HDAC9: variants seen among roughly 807,000 people sequenced by gnomAD.
The protein encoded by HDAC9 is MEF-2 interacting transcription repressor (MITR) protein.
HDAC9 carries 41 observed loss-of-function variants against 139.4 expected under a neutral mutation model. The observed-to-expected ratio is 0.29, with a 90% CI of 0.23 to 0.38. The LOEUF (loss-of-function observed/expected upper bound fraction) is 0.38. Ranked by LOEUF, HDAC9 falls within the 10% of genes least tolerant of loss-of-function variation. The pLI, the probability that HDAC9 is intolerant of heterozygous loss-of-function variation, is 1.00. For synonymous variants in HDAC9, 517 were observed against 476.2 expected (o/e 1.09, Z -1.12); for missense variants, 1,147 against 1,297.0 (o/e 0.88, Z 1.78).
chr7:18,099,479 GA>G (rs71014306), intron 1 of HDAC9, among the ~76,000 whole-genome samples: 86,306 of 150,194 alleles, frequency 0.57, 27,990 homozygotes, highest in Non-Finnish European at 0.73. Flanking sequence ...AAAAAATAAA[GA>G]AAAAAAAAAT....
chr7:18,327,456 A>G (rs1800548259), intron 1 of HDAC9: 1 of 151,906 alleles, frequency 6.6e-6, no homozygotes, highest in Admixed American at 6.6e-5. Context: ...CAGATATGAC[A>G]GCTGCATAGA....
At chr7:18,553,912 AC>A (rs1260159748) in intron 2 of HDAC9, among the ~76,000 whole-genome samples, 3 of 152,150 alleles carry the variant, frequency 2.0e-5, no homozygotes, top group African/African-American at 4.8e-5. Context: ...TCCTCAAGGG[AC>A]TTACAGTCTG....
At chr7:18,653,940 T>C (rs1385035166) in intron 11 of HDAC9, among the ~76,000 whole-genome samples, 1 of 152,054 alleles carries the variant, frequency 6.6e-6, no homozygotes, top group Non-Finnish European at 1.5e-5. Context: ...CCTAAGAGAG[T>C]ATATTCCTTC....
intron 6 of HDAC9, among the ~76,000 whole-genome samples, chr7:18,616,870 C>T (rs1838746222): frequency 6.6e-6 from 1 of 152,122 alleles, no homozygotes; most frequent in South Asian, 2.1e-4. Flanking sequence ...GTTGAATAGA[C>T]TTAGAGGTTA....
At chr7:18,109,579 T>C (rs2128081461) in intron 1 of HDAC9, among the ~76,000 whole-genome samples, 1 of 152,040 alleles carries the variant, frequency 6.6e-6, no homozygotes, top group Middle Eastern at 3.4e-3. Context: ...TTAACAGTGC[T>C]GAGAAGTGCA....
At chr7:18,512,088 C>CAT (rs1563103027) in intron 2 of HDAC9, among the ~76,000 whole-genome samples, 1 of 150,612 alleles carries the variant, frequency 6.6e-6, no homozygotes. Context: ...ATACTTCCAG[C>CAT]ATAGAAACTC....
intron 1 of HDAC9, among the ~76,000 whole-genome samples, chr7:18,088,787 A>C (rs1223330878): frequency 6.6e-6 from 1 of 152,236 alleles, no homozygotes; most frequent in Admixed American, 6.5e-5. Flanking sequence ...TTCCCCAAAC[A>C]TCAAATTACT....
intron 21 of HDAC9, among the ~76,000 whole-genome samples, chr7:18,871,512 G>A (rs118084027): frequency 0.019 from 2,840 of 152,188 alleles, 34 homozygotes; most frequent in Non-Finnish European, 0.027. Flanking sequence ...TATATATTAA[G>A]AACCATGAGT....
At chr7:18,804,193 A>G (rs774009986) in intron 17 of HDAC9, among the ~76,000 whole-genome samples, 20 of 152,166 alleles carry the variant, frequency 1.3e-4, no homozygotes, top group Non-Finnish European at 2.6e-4. Context: ...AGCATTATGT[A>G]GATATGTGGG....
chr7:18,799,486 G>A (rs1405040951), intron 17 of HDAC9, among the ~76,000 whole-genome samples: 1 of 152,154 alleles, frequency 6.6e-6, no homozygotes, highest in African/African-American at 2.4e-5. Context: ...AACTAAGCTA[G>A]ATATTTTTAA....
chr7:18,810,388 C>A (rs1280949091), intron 17 of HDAC9, among the ~76,000 whole-genome samples: 1 of 151,758 alleles, frequency 6.6e-6, no homozygotes, highest in African/African-American at 2.4e-5. Context: ...TATGTGGGCA[C>A]CTTTGGGGAA....
chr7:18,221,859 C>A (rs1207728428), intron 2 of HDAC9, among the ~76,000 whole-genome samples: 1 of 152,060 alleles, frequency 6.6e-6, no homozygotes, highest in Non-Finnish European at 1.5e-5. Context: ...TGGGTAGTGA[C>A]CTTCCATATT....
At chr7:18,236,982 T>C (rs1320283444) in intron 2 of HDAC9, among the ~76,000 whole-genome samples, 1 of 152,170 alleles carries the variant, frequency 6.6e-6, no homozygotes, top group Non-Finnish European at 1.5e-5. Context: ...AACAAAGAAA[T>C]TCCCATGTCC....
At chr7:18,131,981 G>C (rs1785042360) in intron 1 of HDAC9, among the ~76,000 whole-genome samples, 1 of 152,204 alleles carries the variant, frequency 6.6e-6, no homozygotes, top group South Asian at 2.1e-4. Context: ...AATGGCAACA[G>C]ATAGATTATG....
At chr7:18,939,144 T>A (rs1781854297) in intron 23 of HDAC9, among the ~76,000 whole-genome samples, 1 of 152,234 alleles carries the variant, frequency 6.6e-6, no homozygotes, top group Non-Finnish European at 1.5e-5. Context: ...TGGTTGGTGG[T>A]CTTCAGTTGC....
intron 2 of HDAC9, among the ~76,000 whole-genome samples, chr7:18,227,270 C>T (rs903928019): frequency 3.9e-5 from 6 of 152,118 alleles, no homozygotes; most frequent in Non-Finnish European, 7.3e-5. Context: ...GATGAATCCA[C>T]TTATTTAAAT....
At chr7:18,318,405 G>A (rs1210203387) in intron 1 of HDAC9, among the ~76,000 whole-genome samples, 1 of 152,154 alleles carries the variant, frequency 6.6e-6, no homozygotes, top group Non-Finnish European at 1.5e-5. Context: ...AATAACAAAT[G>A]GAATGCAGAT....
intron 1 of HDAC9, among the ~76,000 whole-genome samples, chr7:18,321,014 A>G (rs559253073): frequency 6.6e-6 from 1 of 152,318 alleles, no homozygotes; most frequent in East Asian, 1.9e-4. Flanking sequence ...TAGGTTGAAC[A>G]TATGCAATCG....
intron 14 of HDAC9, among the ~76,000 whole-genome samples, chr7:18,750,350 G>T (rs1438396910): frequency 6.6e-6 from 1 of 152,102 alleles, no homozygotes; most frequent in Non-Finnish European, 1.5e-5. Flanking sequence ...CAAAACATTG[G>T]TAGTGTCTTA....
Sources: allele counts gnomAD v4.1 joint callset (sites outside exome capture counted in the v4.1 genomes callset), GRCh38; gene constraint gnomAD v4.1.1; transcripts MANE v1.5; gene names NCBI Gene and HGNC (gene_info 2026-07-23, HGNC 2026-07-21).